The following ZNF560 variants were observed in gnomAD, a reference collection of about 807,000 sequenced individuals.
ZNF560 encodes the protein zinc finger protein 560.
In ZNF560, 54 loss-of-function variants were observed where a neutral mutation model predicts 81.8. The ratio of observed to expected loss-of-function variants is 0.66; its 90% CI spans 0.53 to 0.83. ZNF560 has a LOEUF of 0.83. Among genes scored for constraint, ZNF560 ranks in the 40% least tolerant of loss-of-function variants. The pLI is 0.00. For synonymous variants in ZNF560, 321 were observed against 317.9 expected (o/e 1.01, Z -0.10); for missense variants, 940 against 932.4 (o/e 1.01, Z -0.11).
intron 5 of ZNF560, among the ~76,000 whole-genome samples, chr19:9,472,345 G>A (rs568010347): frequency 7.2e-5 from 11 of 152,182 alleles, no homozygotes; most frequent in East Asian, 5.8e-4. Context: ...CTCCAACTCC[G>A]GAGCCATGGA....
intron 2 of ZNF560, among the ~76,000 whole-genome samples, chr19:9,476,035 T>C (rs1745740028): frequency 6.6e-6 from 1 of 152,178 alleles, no homozygotes. Flanking sequence ...ACAACAGGCC[T>C]CTCTGGCACA....
Position 9,466,628 on chromosome 19 carries a change from A to G in ZNF560, c.2319T>C (p.Cys773=). The change falls in exon 10 of 10, where the codon TGT becomes TGC. Residue 773 remains cysteine, a synonymous_variant. Transcript: ENST00000301480. ...MGEKPFECDQ[C]GKAFASFSAR... is the part of the protein sequence containing the mutation. ...CTGAGAAAGAAGCAAAGGCTTTCCC[A>G]CACTGGTCACATTCAAAGGGTTTCT... 7.4e-6 allele frequency: 12 copies of G among 1,612,832 alleles called. No individual in the cohort carries two copies. The highest frequency in any genetic ancestry group is 1.0e-5 in the Non-Finnish European group (12 of 1,179,106).
At chr19:9,488,806 G>T (rs2073424870) in intron 2 of ZNF560, among the ~76,000 whole-genome samples, 1 of 152,216 alleles carries the variant, frequency 6.6e-6, no homozygotes, top group Non-Finnish European at 1.5e-5. Context: ...GTAGTCCCCA[G>T]TGTTGGAGGT....
In ZNF560 at chr19:9,467,545, C is replaced by A. The variant is rs748869147; in HGVS notation, c.1402G>T (p.Ala468Ser). ...ATAACACCTGAGGATGTACCAAAGG[C>A]CTTCCCATATTCCTTATGCTCATAT... Reference protein sequence around the residue: ...KPYEHKEYGKAFGTSSGVIED... With the variant: ...KPYEHKEYGKSFGTSSGVIED... Residue 468 changes from alanine to serine, a missense_variant, in exon 10 of 10, where the codon GCC (alanine) becomes TCC (serine). By Grantham distance (99) the Ala-to-Ser change is moderately conservative. Transcript: ENST00000301480. The A allele has an allele frequency of 6.2e-7, 1 of 1,614,132 alleles. No homozygotes were observed. The highest frequency in any genetic ancestry group is 2.2e-5 in the East Asian group (1 of 44,874).
chr19:9,455,480 G>A, the ZNF560 span, among the ~76,000 whole-genome samples: 203 of 152,270 alleles, frequency 1.3e-3, no homozygotes, highest in African/African-American at 4.5e-3. Context: ...TGCATTAGAC[G>A]CACAAGTGGT....
chr19:9,501,460 G>C (rs1458383437), upstream of ZNF560, among the ~76,000 whole-genome samples: 3 of 151,296 alleles, frequency 2.0e-5, no homozygotes, highest in Non-Finnish European at 4.4e-5. Flanking sequence ...CCGGGTTCAA[G>C]CGATTCTCCT....
the ZNF560 span, among the ~76,000 whole-genome samples, chr19:9,449,996 A>C: frequency 6.7e-3 from 776 of 115,862 alleles, 9 homozygotes; most frequent in South Asian, 0.017. Context: ...AAAAAAAAAA[A>C]AACAACTGAA....
intron 2 of ZNF560, among the ~76,000 whole-genome samples, chr19:9,477,340 T>C (rs1037912278): frequency 2.6e-5 from 4 of 152,188 alleles, no homozygotes; most frequent in African/African-American, 9.7e-5. Flanking sequence ...AACCAGGACT[T>C]GAATGCAGTC....
chr19:9,468,902 G>A (rs979432859), intron 9 of ZNF560, among the ~76,000 whole-genome samples: 2 of 151,814 alleles, frequency 1.3e-5, no homozygotes, highest in African/African-American at 4.8e-5. Flanking sequence ...GCTAATTTTT[G>A]TATTTTTAGT....
the ZNF560 span, among the ~76,000 whole-genome samples, chr19:9,459,925 G>A: frequency 2.6e-5 from 4 of 152,098 alleles, no homozygotes; most frequent in African/African-American, 9.7e-5. Flanking sequence ...CCCAGGACAT[G>A]TTCCAAGACT....
the ZNF560 span, among the ~76,000 whole-genome samples, chr19:9,458,586 C>T: frequency 6.6e-6 from 1 of 152,220 alleles, no homozygotes; most frequent in South Asian, 2.1e-4. Context: ...TTTATTTACC[C>T]AATTGCAAAC....
the ZNF560 span, among the ~76,000 whole-genome samples, chr19:9,448,026 C>A: frequency 6.6e-6 from 1 of 152,232 alleles, no homozygotes; most frequent in South Asian, 2.1e-4. Context: ...TCAGGAGAAA[C>A]CCTACAAGCC....
chr19:9,454,072 ACTT>A, the ZNF560 span, among the ~76,000 whole-genome samples: 2 of 152,120 alleles, frequency 1.3e-5, no homozygotes, highest in Non-Finnish European at 2.9e-5. Flanking sequence ...AGGGCGGAAA[ACTT>A]CTCAAGGCAT....
intron 4 of ZNF560, 88 bp from the exon 5 acceptor site, chr19:9,473,347 G>T: frequency 3.3e-6 from 3 of 909,584 alleles, no homozygotes; most frequent in Non-Finnish European, 5.0e-6. Flanking sequence ...TTGGGAGGCT[G>T]AAGTGGGTGG....
At chr19:9,480,171 A>G (rs549155652) in intron 2 of ZNF560, among the ~76,000 whole-genome samples, 2 of 152,312 alleles carry the variant, frequency 1.3e-5, no homozygotes, top group South Asian at 4.1e-4. Flanking sequence ...CAAAATACAC[A>G]TTCTTCTCAA....
chr19:9,494,136 A>G (rs2073517669), intron 2 of ZNF560, among the ~76,000 whole-genome samples: 1 of 151,644 alleles, frequency 6.6e-6, no homozygotes, highest in Admixed American at 6.6e-5. Context: ...ATCTCAAAAA[A>G]AAAAAAAAAA....
chr19:9,446,638 T>C, the ZNF560 span, among the ~76,000 whole-genome samples: 1 of 151,362 alleles, frequency 6.6e-6, no homozygotes, highest in African/African-American at 2.5e-5. Context: ...GCAATGTCAG[T>C]CAACTGTATT....
intron 6 of ZNF560, 99 bp downstream of exon 6, chr19:9,471,197 T>C: frequency 2.4e-6 from 2 of 845,700 alleles, no homozygotes; most frequent in Non-Finnish European, 3.6e-6. Context: ...CTTGAGTGAA[T>C]GCTATTCCTC....
rs371972613 is a variant in ZNF560 at position 9,468,181 on chromosome 19, T to A, written c.766A>T (p.Asn256Tyr). Residue 256 changes from asparagine to tyrosine, a missense_variant, in exon 10 of 10, where the codon AAT becomes TAT. Transcript: ENST00000301480. ...ACTTTCCTTATGGTAGAGGTTTTAT[T>A]GTATAGAGAAAGGAGGTCTTTTGCA... Reference protein sequence around the residue: ...QYAKDLLSLYNKTSTIRKVSV... With the variant: ...QYAKDLLSLYYKTSTIRKVSV... 4 of 1,614,170 alleles carry A rather than the reference T, an allele frequency of 2.5e-6. No individual in the cohort carries two copies. The highest frequency in any genetic ancestry group is 2.2e-5 in the South Asian group (2 of 91,074).
Sources: allele counts gnomAD v4.1 joint callset (sites outside exome capture counted in the v4.1 genomes callset), GRCh38; gene constraint gnomAD v4.1.1; transcripts MANE v1.5; gene names NCBI Gene and HGNC (gene_info 2026-07-23, HGNC 2026-07-21).